The following PROM1 variants were observed in gnomAD, a reference collection of about 807,000 sequenced individuals.
PROM1 encodes the protein prominin 1, also known as prominin-1.
A neutral mutation model predicts 116.9 loss-of-function variants in PROM1; 105 were observed. The observed-to-expected ratio is 0.90, with a 90% CI of 0.77 to 1.06. The LOEUF is 1.06. Among genes scored for constraint, PROM1 ranks in the 50% least tolerant of loss-of-function variants. PROM1 has a pLI of 0.00. For missense variants in PROM1, 1,122 were observed against 1,045.2 expected (o/e 1.07, Z -1.01); for synonymous variants, 393 against 387.0 (o/e 1.02, Z -0.18).
At chr4:15,995,674 G>T (rs1722156569) in intron 15 of PROM1, among the ~76,000 whole-genome samples, 1 of 151,984 alleles carries the variant, frequency 6.6e-6, no homozygotes, top group Admixed American at 6.6e-5. Context: ...TGTGTCCCTC[G>T]GCCGAGGTAC....
intron 2 of PROM1, among the ~76,000 whole-genome samples, chr4:16,058,222 A>C (rs1279868057): frequency 1.3e-5 from 2 of 152,220 alleles, no homozygotes; most frequent in Non-Finnish European, 2.9e-5. Context: ...GCTCAGGACA[A>C]AGCCCAGTGG....
intron 2 of PROM1, among the ~76,000 whole-genome samples, chr4:16,052,973 A>T (rs888813011): frequency 2.0e-5 from 3 of 152,360 alleles, no homozygotes; most frequent in East Asian, 1.9e-4. Flanking sequence ...CATGTCATTT[A>T]TGTAGTGCCA....
chr4:15,998,156 T>C (rs968166695), intron 15 of PROM1, among the ~76,000 whole-genome samples: 10 of 152,206 alleles, frequency 6.6e-5, no homozygotes, highest in African/African-American at 1.9e-4. Context: ...CCAGAGATTA[T>C]TGGAGAGCGA....
At chr4:16,000,365 T>C (rs1723457196) in intron 14 of PROM1, 131 bp downstream of exon 14, 1 of 735,146 alleles carries the variant, frequency 1.4e-6, no homozygotes, top group Non-Finnish European at 1.9e-6. Flanking sequence ...AATTTAATAA[T>C]TTCAAGAAAT....
chr4:16,051,847 A>C (rs1032159261), intron 2 of PROM1, among the ~76,000 whole-genome samples: 3 of 152,232 alleles, frequency 2.0e-5, no homozygotes, highest in African/African-American at 7.2e-5. Flanking sequence ...CAGAGTCAGA[A>C]ACTCCAAATG....
At chr4:15,982,348 T>G (rs904804104) in intron 23 of PROM1, among the ~76,000 whole-genome samples, 1 of 152,174 alleles carries the variant, frequency 6.6e-6, no homozygotes, top group Non-Finnish European at 1.5e-5. Flanking sequence ...TAACTTCCAG[T>G]CAATTTGTTC....
chr4:16,012,948 T>C (rs1727303584), intron 11 of PROM1, among the ~76,000 whole-genome samples: 1 of 151,988 alleles, frequency 6.6e-6, no homozygotes, highest in African/African-American at 2.4e-5. Context: ...AGTTTTTCTC[T>C]TCAGTGAAAA....
intron 16 of PROM1, among the ~76,000 whole-genome samples, chr4:15,992,783 G>A (rs1721396604): frequency 6.6e-6 from 1 of 152,194 alleles, no homozygotes; most frequent in Non-Finnish European, 1.5e-5. Context: ...CAGAGAAGCT[G>A]AAAGGGACAC....
chr4:16,048,670 C>A (rs566977323), intron 2 of PROM1, among the ~76,000 whole-genome samples: 2 of 152,150 alleles, frequency 1.3e-5, no homozygotes, highest in South Asian at 4.2e-4. Flanking sequence ...CTTCTCCCTG[C>A]AGGACTGACA....
chr4:16,019,788 G>A (rs1345430044), intron 8 of PROM1, among the ~76,000 whole-genome samples: 2 of 151,794 alleles, frequency 1.3e-5, no homozygotes, highest in African/African-American at 4.8e-5. Flanking sequence ...GGTGTTTCAA[G>A]GAAAAGAATG....
chr4:16,006,481 AC>A, intron 13 of PROM1, 56 bp downstream of exon 13: 3 of 1,506,758 alleles, frequency 2.0e-6, no homozygotes, highest in Non-Finnish European at 2.7e-6. Context: ...CAGAGTCAGC[AC>A]CCAGTCTCTC....
chr4:16,004,823 CTTTCTTTT>C (rs757118841), intron 13 of PROM1, among the ~76,000 whole-genome samples: 1 of 114,838 alleles, frequency 8.7e-6, no homozygotes, highest in Non-Finnish European at 1.9e-5. Flanking sequence ...TTCTTTCTTT[CTTTCTTTT>C]TCTTCCTTCC....
Position 16,033,522 on chromosome 4 carries a change from C to A in PROM1, c.304-13G>T. The stretch of plus-strand genomic sequence containing the variant: ...CATAGTAGACAATCTGCAATTCAAA[C>A]AAAAGAAACAGCACATATTGTAGCA... On this transcript the variant is annotated splice_polypyrimidine_tract_variant and intron_variant, in intron 4 of 27. Coordinates refer to ENST00000447510, the MANE Select transcript of PROM1 (RefSeq NM_006017.3). The A allele has an allele frequency of 6.6e-7, 1 of 1,507,056 alleles. No homozygotes were observed. Among genetic ancestry groups the A allele is most frequent in the South Asian group, 1.2e-5 (1 of 81,236 alleles). 93.4% of individuals were successfully genotyped at this position (1,507,056 alleles called of 1,614,324 possible).
chr4:16,010,542 T>C lies in PROM1; in HGVS notation c.1142-1434A>G, dbSNP rs1336274129. 2.6e-5 allele frequency among the ~76,000 whole-genome samples: 4 copies of C among 152,222 alleles called. No individual in the cohort carries two copies. In the East Asian group the frequency reaches 7.7e-4, roughly 29 times the overall value. On this transcript the variant is annotated intron_variant, in intron 11 of 27. Coordinates refer to ENST00000447510, the MANE Select transcript of PROM1 (RefSeq NM_006017.3). Reference sequence around the variant, plus strand: ...TTTTTGAGACAGGATCTCTCTGTATTGCCCAGGCTGGAGTGCAGTGGCACG... The same window carrying C: ...TTTTTGAGACAGGATCTCTCTGTATCGCCCAGGCTGGAGTGCAGTGGCACG...
chr4:16,076,057 G>A lies in PROM1; in HGVS notation c.-151C>T, dbSNP rs780731813. The A allele has an allele frequency of 4.4e-5, 62 of 1,414,342 alleles. No homozygotes were observed. The Middle Eastern group carries it at 3.1e-3, about 71-fold the overall frequency. The allele number at this position is 1,414,342 out of a possible 1,614,324, so 87.6% of individuals were successfully genotyped here. A position where few individuals can be genotyped will look rare whatever the true frequency, so the allele number is the denominator to read the frequency against. On this transcript the variant is annotated 5_prime_UTR_variant, in exon 2 of 28. Coordinates refer to ENST00000447510, the MANE Select transcript of PROM1 (RefSeq NM_006017.3). ...ATCTTCAGTTTTCTGTCTGAGGCTG[G>A]CTTGAGGCGAGGGATGCGGAAGAAT...
At chr4:16,083,452 C>G (rs1259078551) in intron 1 of PROM1, 7 of 152,354 alleles carry the variant, frequency 4.6e-5, no homozygotes, top group Admixed American at 4.6e-4. Context: ...CCACGCTCTC[C>G]CCGCAGTTCC....
chr4:16,009,061 T>A lies in PROM1; in HGVS notation c.1189A>T (p.Thr397Ser). ...ATATCCTGAATAGGAAGACGCTGAG[T>A]TACATTGTCGATATCTGAACCAATG... ...NSIGSDIDNV[T>S]QRLPIQDILS... is the part of the protein sequence containing the mutation. Residue 397 changes from threonine (T) to serine (S), a missense_variant, in exon 12 of 28, where the codon ACT (threonine) becomes TCT (serine). Transcript: ENST00000447510. The A allele has an allele frequency of 6.2e-7, 1 of 1,611,550 alleles. No homozygotes were observed. The highest frequency in any genetic ancestry group is 1.1e-5 in the South Asian group (1 of 90,974).
At chr4:16,006,836 T>A in intron 12 of PROM1, 146 bp from the exon 13 acceptor site, 1 of 796,846 alleles carries the variant, frequency 1.3e-6, no homozygotes, top group Non-Finnish European at 1.9e-6. Flanking sequence ...GACAATAATG[T>A]TGAGTGAAAA....
At chr4:16,059,973 C>T (rs1156350105) in intron 2 of PROM1, among the ~76,000 whole-genome samples, 1 of 152,064 alleles carries the variant, frequency 6.6e-6, no homozygotes, top group Admixed American at 6.6e-5. Flanking sequence ...AAAAAGAAAG[C>T]AAGGTGCCAA....
Sources: gnomAD v4.1 joint callset for allele counts (sites outside exome capture counted in the v4.1 genomes callset) on GRCh38, gnomAD v4.1.1 for gene constraint, MANE v1.5 for transcripts, NCBI Gene and HGNC (gene_info 2026-07-23, HGNC 2026-07-21) for gene names.